Variants in ATP8A2 observed in about 807,000 individuals in gnomAD.
ATP8A2 encodes the protein ATPase phospholipid transporting 8A2, also known as phospholipid-transporting ATPase IB.
In ATP8A2, 100 loss-of-function variants were observed where a neutral mutation model predicts 165.6. The ratio of observed to expected loss-of-function variants is 0.60; its 90% CI spans 0.51 to 0.71. The LOEUF is 0.71. ATP8A2 is among the 30% of genes least tolerant of loss of function. ATP8A2 has a pLI of 0.00. For missense variants in ATP8A2, 1,227 were observed against 1,479.5 expected, an observed-to-expected ratio of 0.83 and a Z score of 2.80; for synonymous variants, 543 against 548.8, an observed-to-expected ratio of 0.99 and a Z score of 0.15.
intron 1 of ATP8A2, among the ~76,000 whole-genome samples, chr13:25,434,592 G>A (rs187861922): frequency 9.4e-4 from 143 of 152,092 alleles, no homozygotes; most frequent in Non-Finnish European, 1.4e-3. Context: ...CAAGTGATCC[G>A]CCTGCTTCGG....
At chr13:25,763,718 G>A (rs977761419) in intron 25 of ATP8A2, among the ~76,000 whole-genome samples, 2 of 152,194 alleles carry the variant, frequency 1.3e-5, no homozygotes, top group East Asian at 3.9e-4. Flanking sequence ...ATGAGATTAA[G>A]TTTTGAGGGA....
At chr13:25,884,860 CT>C (rs1197595254) in intron 33 of ATP8A2, among the ~76,000 whole-genome samples, 3 of 152,338 alleles carry the variant, frequency 2.0e-5, no homozygotes, top group South Asian at 4.1e-4. Flanking sequence ...CCCTGGGGCC[CT>C]TCTGCATCAC....
chr13:25,703,713 C>G (rs1353259923), intron 25 of ATP8A2, among the ~76,000 whole-genome samples: 1 of 152,146 alleles, frequency 6.6e-6, no homozygotes, highest in African/African-American at 2.4e-5. Flanking sequence ...TGATTCCATT[C>G]CTATCATATA....
rs552164540 is a variant in ATP8A2 at position 25,411,566 on chromosome 13, A to G, written c.76+39278A>G. ...ACTGAGAAGACTGGCTTAACAAATTAAGTGTAGCCATATAATGAGGTGCCA... is the reference window on the plus strand; with the variant it reads ...ACTGAGAAGACTGGCTTAACAAATTGAGTGTAGCCATATAATGAGGTGCCA... On this transcript the variant is annotated intron_variant, in intron 1 of 36. Transcript: ENST00000381655. Among the ~76,000 whole-genome samples, 3 of 152,336 alleles carry G rather than the reference A, an allele frequency of 2.0e-5. No homozygotes were observed. In the East Asian group the frequency reaches 5.8e-4, roughly 29 times the overall value.
In ATP8A2 at chr13:25,487,847, C is replaced by CT. The variant is rs796393091; in HGVS notation, c.221+18737dup. ...CAGTGTAATCTTTCTCTCTTTCTTT[C>CT]TTTTTTTTTTTGTAATAGCCTGAGT... On this transcript the variant is annotated intron_variant, in intron 2 of 36. Coordinates refer to ENST00000381655, the MANE Select transcript of ATP8A2 (RefSeq NM_016529.6). Among the ~76,000 whole-genome samples, 1,330 of 146,740 alleles carry CT rather than the reference C, an allele frequency of 9.1e-3. 24 individuals are homozygous for CT. Among genetic ancestry groups the CT allele is most frequent in the African/African-American group, 0.028 (1,130 of 40,230 alleles).
At chr13:25,400,649 C>T (rs1200740422) in intron 1 of ATP8A2, among the ~76,000 whole-genome samples, 1 of 152,218 alleles carries the variant, frequency 6.6e-6, no homozygotes, top group Non-Finnish European at 1.5e-5. Context: ...TAATGCACAT[C>T]CATTATGGTT....
chr13:25,915,033 A>G (rs917670782), intron 33 of ATP8A2, among the ~76,000 whole-genome samples: 2 of 152,238 alleles, frequency 1.3e-5, no homozygotes, highest in Non-Finnish European at 2.9e-5. Flanking sequence ...AGCAGAATTC[A>G]TCTCTTTCTG....
rs1402024941 is a variant in ATP8A2, at chr13:26,019,961, CAA to C, written c.3547_3548del (p.Lys1183GlufsTer12). ...EEVIRAYDTT[K>X]KKSRKK Reference sequence around the variant, plus strand: ...AAGTCATCCGTGCTTATGACACCACCAAAAAGAAATCCAGGAAGAAATAAGAC... The same window carrying C: ...AAGTCATCCGTGCTTATGACACCACCAAAGAAATCCAGGAAGAAATAAGAC... On this transcript the variant is annotated frameshift_variant, in exon 37 of 37. Coordinates refer to ENST00000381655, the MANE Select transcript of ATP8A2 (RefSeq NM_016529.6). LOFTEE classifies it high-confidence loss of function. 1 of 1,612,928 alleles carries C rather than the reference CAA, an allele frequency of 6.2e-7. No individual in the cohort carries two copies. Among genetic ancestry groups the C allele is most frequent in the African/African-American group, 1.3e-5 (1 of 74,894 alleles).
At chr13:26,017,651 G>A (rs1957008717) in intron 36 of ATP8A2, among the ~76,000 whole-genome samples, 1 of 152,180 alleles carries the variant, frequency 6.6e-6, no homozygotes, top group South Asian at 2.1e-4. Flanking sequence ...AGGAGTGGTG[G>A]CATTTGCTCT....
intron 25 of ATP8A2, among the ~76,000 whole-genome samples, chr13:25,759,562 G>A (rs765520835): frequency 6.6e-6 from 1 of 152,266 alleles, no homozygotes; most frequent in Non-Finnish European, 1.5e-5. Flanking sequence ...TCCTGAGAGG[G>A]TCTTGGGGGC....
intron 24 of ATP8A2, among the ~76,000 whole-genome samples, chr13:25,607,631 T>C (rs1445918028): frequency 1.3e-5 from 2 of 152,246 alleles, no homozygotes; most frequent in Non-Finnish European, 2.9e-5. Context: ...CCCTGCCCTG[T>C]GTAATCAGAT....
chr13:25,413,865 C>T (rs1457336858), intron 1 of ATP8A2, among the ~76,000 whole-genome samples: 1 of 151,990 alleles, frequency 6.6e-6, no homozygotes, highest in Non-Finnish European at 1.5e-5. Flanking sequence ...TTAACAATCC[C>T]CTGTTTTTTT....
chr13:25,800,809 G>C (rs1194149237), intron 27 of ATP8A2, among the ~76,000 whole-genome samples: 1 of 152,046 alleles, frequency 6.6e-6, no homozygotes, highest in Non-Finnish European at 1.5e-5. Flanking sequence ...GCAACAGTGA[G>C]AATAACTGTA....
chr13:25,939,525 G>A (rs895253901), intron 33 of ATP8A2, among the ~76,000 whole-genome samples: 3 of 152,084 alleles, frequency 2.0e-5, no homozygotes, highest in South Asian at 2.1e-4. Flanking sequence ...ACAGCAATGC[G>A]GTGGTTTGCC....
intron 1 of ATP8A2, among the ~76,000 whole-genome samples, chr13:25,466,055 CCT>C (rs1402424507): frequency 6.6e-6 from 1 of 152,086 alleles, no homozygotes; most frequent in African/African-American, 2.4e-5. Flanking sequence ...TAAAAATTCT[CCT>C]CTTCTGCTCT....
At chr13:25,395,046 G>GTC (rs779680162) in intron 1 of ATP8A2, among the ~76,000 whole-genome samples, 9 of 152,066 alleles carry the variant, frequency 5.9e-5, no homozygotes, top group Non-Finnish European at 1.2e-4. Flanking sequence ...ACTTCTTTGG[G>GTC]TCTCTCTCTA....
intron 30 of ATP8A2, among the ~76,000 whole-genome samples, chr13:25,840,805 A>T (rs1484253845): frequency 6.6e-6 from 1 of 152,058 alleles, no homozygotes; most frequent in Non-Finnish European, 1.5e-5. Context: ...AGCAGGAAGG[A>T]TTAGTGATGG....
At chr13:25,406,273 C>T (rs1414783789) in intron 1 of ATP8A2, among the ~76,000 whole-genome samples, 1 of 152,172 alleles carries the variant, frequency 6.6e-6, no homozygotes, top group Non-Finnish European at 1.5e-5. Context: ...CCTTCAAATC[C>T]AGGGCTTACA....
intron 23 of ATP8A2, among the ~76,000 whole-genome samples, chr13:25,582,776 A>G (rs971206486): frequency 7.9e-5 from 12 of 152,202 alleles, no homozygotes; most frequent in East Asian, 3.8e-4. Flanking sequence ...ACATAATCCA[A>G]TGGTGTCCCT....
Sources: gnomAD v4.1 joint callset for allele counts (sites outside exome capture counted in the v4.1 genomes callset) on GRCh38, gnomAD v4.1.1 for gene constraint, MANE v1.5 for transcripts, NCBI Gene and HGNC (gene_info 2026-07-23, HGNC 2026-07-21) for gene names.